Variants in ITGB5 observed in about 807,000 individuals in gnomAD.
ITGB5 encodes integrin beta-5.
A neutral mutation model predicts 84.8 loss-of-function variants in ITGB5; 38 were observed. The ratio of observed to expected loss-of-function variants is 0.45; its 90% CI spans 0.35 to 0.59. The LOEUF is 0.59. Ranked by LOEUF, ITGB5 falls within the 20% of genes least tolerant of loss-of-function variation. ITGB5 has a pLI of 0.01. For missense variants in ITGB5, 905 were observed against 1,034.5 expected (o/e 0.87, Z 1.72); for synonymous variants, 393 against 414.4 (o/e 0.95, Z 0.63).
At chr3:124,851,277 T>G (rs929140725) in intron 3 of ITGB5, among the ~76,000 whole-genome samples, 1 of 152,128 alleles carries the variant, frequency 6.6e-6, no homozygotes, top group African/African-American at 2.4e-5. Flanking sequence ...ATCAGTCAAG[T>G]GGGGAGGATA....
intron 5 of ITGB5, among the ~76,000 whole-genome samples, chr3:124,830,154 G>A (rs1453806444): frequency 6.6e-6 from 1 of 152,200 alleles, no homozygotes; most frequent in Non-Finnish European, 1.5e-5. Context: ...CCAGCCTGTG[G>A]AGCAATTTGG....
chr3:124,814,504 T>G (rs1579239391), intron 8 of ITGB5, among the ~76,000 whole-genome samples: 1 of 145,758 alleles, frequency 6.9e-6, no homozygotes, highest in Non-Finnish European at 1.5e-5. Context: ...AGAGACAGAG[T>G]CTCACTCTGT....
chr3:124,821,591 C>A, intron 5 of ITGB5, 117 bp from the exon 6 acceptor site: 1 of 1,116,296 alleles, frequency 9.0e-7, no homozygotes, highest in East Asian at 2.4e-5. Context: ...TTCCCCTTGC[C>A]ATGTGTACCT....
Position 124,873,746 on chromosome 3 carries a change from G to A in ITGB5, c.71-215C>T, listed in dbSNP as rs958678590. On this transcript the variant is annotated intron_variant, in intron 1 of 14. Coordinates refer to ENST00000296181, the MANE Select transcript of ITGB5 (RefSeq NM_002213.5). ...ACCAAGCATGCACGCTTGTGTTAGC[G>A]ACTTCCATTTCTTCTGCTAGACCCA... Among the ~76,000 whole-genome samples the A allele has an allele frequency of 7.9e-5, 12 of 152,128 alleles. No individual in the cohort carries two copies. In the Middle Eastern group the frequency reaches 0.01, roughly 129 times the overall value.
intron 9 of ITGB5, among the ~76,000 whole-genome samples, chr3:124,800,223 C>A (rs1042525858): frequency 6.6e-6 from 1 of 152,112 alleles, no homozygotes; most frequent in Non-Finnish European, 1.5e-5. Flanking sequence ...GAGGCATCTG[C>A]GGGTCAGAAA....
At chr3:124,860,708 G>A (rs1402196231) in intron 2 of ITGB5, among the ~76,000 whole-genome samples, 1 of 152,180 alleles carries the variant, frequency 6.6e-6, no homozygotes, top group African/African-American at 2.4e-5. Context: ...AGTCTTTCTG[G>A]AGGAGTTAGG....
At chr3:124,892,454 G>A (rs1288110300), upstream of ITGB5, among the ~76,000 whole-genome samples, 3 of 151,418 alleles carry the variant, frequency 2.0e-5, 1 homozygote, top group East Asian at 5.9e-4. Context: ...GGAGGAAGGG[G>A]GGAGGGAGGT....
At chr3:124,816,386 A>G (rs1462654853) in intron 8 of ITGB5, among the ~76,000 whole-genome samples, 2 of 152,248 alleles carry the variant, frequency 1.3e-5, no homozygotes, top group Admixed American at 1.3e-4. Context: ...CAGATGTGTG[A>G]TGCCGTACTG....
intron 1 of ITGB5, among the ~76,000 whole-genome samples, chr3:124,882,832 C>T (rs1170554098): frequency 6.6e-6 from 1 of 152,106 alleles, no homozygotes; most frequent in East Asian, 1.9e-4. Flanking sequence ...GGCAGGGTAC[C>T]CCGCAGTGCC....
upstream of ITGB5, among the ~76,000 whole-genome samples, chr3:124,892,524 T>C (rs1275365427): frequency 8.2e-6 from 1 of 122,404 alleles, no homozygotes; most frequent in East Asian, 2.2e-4. Context: ...ATCCCATCTC[T>C]ATTAAAAAAA....
At chr3:124,805,147 CTCTT>C (rs546656858) in intron 9 of ITGB5, among the ~76,000 whole-genome samples, 8 of 143,394 alleles carry the variant, frequency 5.6e-5, no homozygotes, top group East Asian at 2.2e-4. Context: ...CTCTCTCTCT[CTCTT>C]TCTTTCTTTC....
At chr3:124,786,014 A>AGCCCTAT (rs2064077558) in intron 10 of ITGB5, among the ~76,000 whole-genome samples, 2 of 152,154 alleles carry the variant, frequency 1.3e-5, no homozygotes, top group Non-Finnish European at 2.9e-5. Flanking sequence ...TATAATCAAA[A>AGCCCTAT]ATCACAAGGA....
intron 8 of ITGB5, among the ~76,000 whole-genome samples, chr3:124,816,268 A>C (rs2064591285): frequency 6.6e-6 from 1 of 152,224 alleles, no homozygotes; most frequent in South Asian, 2.1e-4. Context: ...TTTGCAACTC[A>C]AAACAGGGCC....
In ITGB5 at chr3:124,796,566, G is replaced by T; in HGVS notation, c.1515C>A (p.Asn505Lys). ...GGCACAGGTTCTGGTACACGCTCTG[G>T]TTCTCCCCATCCTGGCACTCGCACC... ...GTRCECQDGENQSVYQNLCRE... is the reference protein window; with the variant it reads ...GTRCECQDGEKQSVYQNLCRE... Residue 505 changes from asparagine (N) to lysine (K), a missense_variant, in exon 10 of 15, where the codon AAC becomes AAA. Physicochemically the swap from Asn to Lys is moderately conservative, Grantham distance 94. Around this residue, in one of 3 missense-constraint regions of ITGB5, gnomAD observed 656 missense variants for 734.7 expected, o/e 0.89. Transcript: ENST00000296181. 6.2e-7 allele frequency: 1 copy of T among 1,614,112 alleles called. No individual in the cohort carries two copies. The highest frequency in any genetic ancestry group is 8.5e-7 in the Non-Finnish European group (1 of 1,180,034).
Position 124,766,248 on chromosome 3 carries a change from G to T in ITGB5, c.2115C>A (p.Asn705Lys). ...TYVELPSGKS[N>K]LTVLREPECG... is the part of the protein sequence containing the mutation. Reference sequence around the variant, plus strand: ...TACCTGGCTCCCTGAGGACGGTCAGGTTGGACTTCCCACTGGGGAGCTCCA... The same window carrying T: ...TACCTGGCTCCCTGAGGACGGTCAGTTTGGACTTCCCACTGGGGAGCTCCA... Residue 705 changes from asparagine to lysine, a missense_variant, in exon 13 of 15, where the codon AAC becomes AAA. Physicochemically the swap from Asn to Lys is moderately conservative, Grantham distance 94. This residue lies in a region of ITGB5 where 133 missense variants were observed against 122.8 expected (regional missense o/e 1.08). Transcript: ENST00000296181. 6.2e-7 allele frequency: 1 copy of T among 1,614,082 alleles called. No individual in the cohort carries two copies. The highest frequency in any genetic ancestry group is 8.5e-7 in the Non-Finnish European group (1 of 1,179,984).
At chr3:124,822,744 C>T (rs1444867341) in intron 5 of ITGB5, among the ~76,000 whole-genome samples, 1 of 152,192 alleles carries the variant, frequency 6.6e-6, no homozygotes, top group Non-Finnish European at 1.5e-5. Context: ...TGATCTCTTA[C>T]TGCATGCCAG....
chr3:124,810,300 A>G (rs1176166122), intron 8 of ITGB5, among the ~76,000 whole-genome samples: 2 of 152,218 alleles, frequency 1.3e-5, no homozygotes, highest in African/African-American at 4.8e-5. Flanking sequence ...AACAGGCAAA[A>G]TTAATGGTTG....
intron 1 of ITGB5, among the ~76,000 whole-genome samples, chr3:124,894,047 T>C (rs1489535100): frequency 6.6e-6 from 1 of 151,854 alleles, no homozygotes; most frequent in Non-Finnish European, 1.5e-5. Flanking sequence ...TAATTATATA[T>C]TCTAGAGGAA....
intron 3 of ITGB5, among the ~76,000 whole-genome samples, chr3:124,852,085 G>A (rs1416949449): frequency 2.0e-5 from 3 of 152,082 alleles, no homozygotes; most frequent in African/African-American, 7.2e-5. Context: ...TCCCGGCCAC[G>A]CTGCTTTCCT....
Sources: allele counts gnomAD v4.1 joint callset (sites outside exome capture counted in the v4.1 genomes callset), GRCh38; gene constraint gnomAD v4.1.1; regional missense constraint gnomAD v4.1.1; transcripts MANE v1.5; gene names NCBI Gene and HGNC (gene_info 2026-07-23, HGNC 2026-07-21).